The following UGT1A6 variants were observed in gnomAD, a reference collection of about 807,000 sequenced individuals.
The protein encoded by UGT1A6 is UDP-glucuronosyltransferase 1A6.
Under a neutral mutation model 44.4 loss-of-function variants are expected in UGT1A6, and 32 were observed. That is an observed-to-expected ratio of 0.72 (90% CI 0.54 to 0.97). The LOEUF (loss-of-function observed/expected upper bound fraction) is 0.97, where lower values mean the gene tolerates loss of function less well. Among genes scored for constraint, UGT1A6 ranks in the 50% least tolerant of loss-of-function variants. UGT1A6 has a pLI of 0.00. For missense variants in UGT1A6, 685 were observed against 661.9 expected (o/e 1.03, Z -0.38); for synonymous variants, 238 against 248.5 (o/e 0.96, Z 0.40).
intron 1 of UGT1A6, among the ~76,000 whole-genome samples, chr2:233,707,521 G>A (rs1189449624): frequency 1.5e-5 from 2 of 134,020 alleles, no homozygotes; most frequent in Non-Finnish European, 3.2e-5. Flanking sequence ...GAATTTTACT[G>A]TTTTTCTTTG....
intron 1 of UGT1A6, chr2:233,719,161 T>A (rs2076731921): frequency 6.2e-7 from 1 of 1,614,132 alleles, no homozygotes; most frequent in Non-Finnish European, 8.5e-7. Context: ...TCTAGAAGTA[T>A]GGCAATTATG....
At chr2:233,718,205 T>A (rs2076639631) in intron 1 of UGT1A6, among the ~76,000 whole-genome samples, 2 of 152,198 alleles carry the variant, frequency 1.3e-5, no homozygotes, top group Non-Finnish European at 2.9e-5. Flanking sequence ...AGCTTTTTTT[T>A]ATATTGACAG....
At chr2:233,747,246 G>A (rs1208197105) in intron 1 of UGT1A6, 9 of 1,601,988 alleles carry the variant, frequency 5.6e-6, no homozygotes, top group Non-Finnish European at 6.8e-6. Context: ...CCCTGCTGTG[G>A]CTGGCCACAG....
chr2:233,750,566 C>G (rs575907211), intron 1 of UGT1A6: 1 of 151,898 alleles, frequency 6.6e-6, no homozygotes, highest in Admixed American at 6.5e-5. Context: ...TGCAGCAGAC[C>G]CTCCCATCAC....
chr2:233,759,500 C>G (rs1243042735), intron 1 of UGT1A6, among the ~76,000 whole-genome samples: 1 of 152,164 alleles, frequency 6.6e-6, no homozygotes, highest in Non-Finnish European at 1.5e-5. Flanking sequence ...CAGGTTCACA[C>G]TAATAAAGGC....
rs545296603 is a variant in UGT1A6, at chr2:233,723,272, C to T, written c.861+29407C>T. On this transcript the variant is annotated intron_variant, in intron 1 of 4. Transcript: ENST00000305139. Reference sequence around the variant, plus strand: ...TCACCCAGGCTGGAGTGCAATGGCACGATGTTGGCTCACTGCAACCTCTGC... The same window carrying T: ...TCACCCAGGCTGGAGTGCAATGGCATGATGTTGGCTCACTGCAACCTCTGC... 7.1e-5 allele frequency among the ~76,000 whole-genome samples: 8 copies of T among 111,932 alleles called. 2 individuals carry two copies. In the East Asian group the frequency reaches 1.2e-3, roughly 16 times the overall value. The allele number at this position is 111,932 out of a possible 152,430, so 73.4% of individuals were successfully genotyped here.
intron 1 of UGT1A6, among the ~76,000 whole-genome samples, chr2:233,719,930 G>C (rs904855): frequency 0.08 from 12,193 of 152,230 alleles, 624 homozygotes; most frequent in East Asian, 0.2. Flanking sequence ...CTCACGGACA[G>C]TGTTTGTAAA....
At position 233,711,685 on chromosome 2, in the gene UGT1A6, T is replaced by C. The variant is rs187300831; in HGVS notation, c.861+17820T>C. 2.5e-3 allele frequency among the ~76,000 whole-genome samples: 380 copies of C among 152,250 alleles called. 1 individual carries two copies. Among genetic ancestry groups the C allele is most frequent in the African/African-American group, 8.7e-3 (363 of 41,544 alleles). Reference sequence around the variant, plus strand: ...ATCTATTATCAATGTGGATTTCTAATGGGGGTAACTTCCTCCCTAAGGGAA... The same window carrying C: ...ATCTATTATCAATGTGGATTTCTAACGGGGGTAACTTCCTCCCTAAGGGAA... On this transcript the variant is annotated intron_variant, in intron 1 of 4. Transcript: ENST00000305139.
intron 1 of UGT1A6, among the ~76,000 whole-genome samples, chr2:233,736,048 T>A (rs909301616): frequency 6.6e-6 from 1 of 152,208 alleles, no homozygotes; most frequent in African/African-American, 2.4e-5. Context: ...TGAATTTGAA[T>A]GTTGGCCTGC....
chr2:233,712,724 C>G (rs1378795818), intron 1 of UGT1A6, among the ~76,000 whole-genome samples: 3 of 151,202 alleles, frequency 2.0e-5, no homozygotes, highest in Non-Finnish European at 1.5e-5. Context: ...GAATGAGAAA[C>G]AAGAGCTTGA....
chr2:233,720,853 G>GT (rs1012802434), intron 1 of UGT1A6, among the ~76,000 whole-genome samples: 2 of 150,286 alleles, frequency 1.3e-5, no homozygotes, highest in Admixed American at 6.6e-5. Flanking sequence ...CTGCAGGCAT[G>GT]TGCCACTGCT....
intron 1 of UGT1A6, chr2:233,761,142 A>G: frequency 5.0e-6 from 8 of 1,614,232 alleles, no homozygotes; most frequent in Non-Finnish European, 5.9e-6. Context: ...ACCAAAATCC[A>G]CTATCCCAGG....
chr2:233,754,706 C>T, intron 1 of UGT1A6: 1 of 528,090 alleles, frequency 1.9e-6, no homozygotes, highest in South Asian at 1.5e-5. Context: ...TCGACATGGA[C>T]TTGAAGCTGC....
intron 1 of UGT1A6, chr2:233,721,930 C>A: frequency 2.6e-6 from 1 of 377,680 alleles, no homozygotes; most frequent in Non-Finnish European, 5.3e-6. Context: ...AAGTGACATC[C>A]TTCAGACACT....
chr2:233,753,648 C>T (rs1051556706), intron 1 of UGT1A6: 5 of 152,204 alleles, frequency 3.3e-5, no homozygotes, highest in Non-Finnish European at 5.9e-5. Context: ...CACAAAGGTA[C>T]TTTCTCAATT....
Position 233,747,650 on chromosome 2 carries a change from C to T in UGT1A6, c.862-19384C>T, listed in dbSNP as rs980868950. 70 of 1,587,860 alleles carry T rather than the reference C, an allele frequency of 4.4e-5. 1 individual carries two copies. The highest frequency in any genetic ancestry group is 2.1e-4 in the South Asian group (19 of 90,526). On this transcript the variant is annotated intron_variant, in intron 1 of 4. Transcript: ENST00000305139. Reference sequence around the variant, plus strand: ...TCAGGCACCTGAATGCTACTTCCTTCGATGTGGTTTTAATAGACCCAATTT... The same window carrying T: ...TCAGGCACCTGAATGCTACTTCCTTTGATGTGGTTTTAATAGACCCAATTT...
Position 233,693,721 on chromosome 2 carries a change from A to G in UGT1A6, c.717A>G (p.Arg239=), listed in dbSNP as rs747606034. The G allele has an allele frequency of 1.9e-6, 3 of 1,614,178 alleles. No individual in the cohort carries two copies. Among genetic ancestry groups the G allele is most frequent in the Non-Finnish European group, 2.5e-6 (3 of 1,180,032 alleles). The part of the protein sequence containing the change: ...YEELASAVLK[R]DVDIITLYQK... ...AACTCGCATCAGCTGTCCTCAAGAG[A>G]GATGTGGATATAATCACCTTATATC... Residue 239 remains arginine, a synonymous_variant, in exon 1 of 5, where the codon AGA becomes AGG. Transcript: ENST00000305139.
At chr2:233,728,451 C>T (rs754577531) in intron 1 of UGT1A6, among the ~76,000 whole-genome samples, 1 of 152,174 alleles carries the variant, frequency 6.6e-6, no homozygotes, top group Non-Finnish European at 1.5e-5. Context: ...GGAGAATCCT[C>T]AACAAAGTCT....
intron 1 of UGT1A6, among the ~76,000 whole-genome samples, chr2:233,756,691 G>C (rs1044916114): frequency 6.6e-6 from 1 of 152,108 alleles, no homozygotes; most frequent in Non-Finnish European, 1.5e-5. Flanking sequence ...ATATAATGAC[G>C]ATGAATTTTG....
Sources: gnomAD v4.1 joint callset for allele counts (sites outside exome capture counted in the v4.1 genomes callset) on GRCh38, gnomAD v4.1.1 for gene constraint, MANE v1.5 for transcripts, NCBI Gene and HGNC (gene_info 2026-07-23, HGNC 2026-07-21) for gene names.